PRKCD: variants seen among roughly 807,000 people sequenced by gnomAD.
PRKCD encodes protein kinase C delta type.
PRKCD carries 20 observed loss-of-function variants against 82.2 expected under a neutral mutation model. The ratio of observed to expected loss-of-function variants is 0.24; its 90% confidence interval spans 0.17 to 0.35. The LOEUF is 0.35. PRKCD is among the 10% of genes least tolerant of loss of function. PRKCD has a pLI of 1.00. For missense variants in PRKCD, 607 were observed against 899.0 expected (o/e 0.68, Z 4.15); for synonymous variants, 317 against 337.0 (o/e 0.94, Z 0.65).
intron 2 of PRKCD, among the ~76,000 whole-genome samples, chr3:53,176,667 C>T (rs1553665965): frequency 6.6e-6 from 1 of 152,224 alleles, no homozygotes; most frequent in Non-Finnish European, 1.5e-5. Flanking sequence ...ACCTGTGTGT[C>T]CTTCACAAGT....
chr3:53,177,093 G>A (rs1206283013), intron 2 of PRKCD, among the ~76,000 whole-genome samples: 4 of 152,142 alleles, frequency 2.6e-5, no homozygotes, highest in Non-Finnish European at 5.9e-5. Flanking sequence ...GCCTCCCAAA[G>A]TGCTGAGATT....
intron 9 of PRKCD, 110 bp from the exon 10 acceptor site, chr3:53,184,764 C>A: frequency 1.3e-6 from 1 of 794,832 alleles, no homozygotes; most frequent in South Asian, 1.5e-5. Flanking sequence ...TGGAACCCAG[C>A]AGACCCCACT....
At chr3:53,188,187 C>CAAA (rs557772373) in intron 15 of PRKCD, among the ~76,000 whole-genome samples, 5 of 45,588 alleles carry the variant, frequency 1.1e-4, no homozygotes, top group African/African-American at 3.7e-4. Flanking sequence ...GACTGTGTCT[C>CAAA]AAAAAAAAAA....
At chr3:53,162,086 C>T (rs1553663099) in intron 1 of PRKCD, among the ~76,000 whole-genome samples, 3 of 151,964 alleles carry the variant, frequency 2.0e-5, no homozygotes, top group Non-Finnish European at 1.5e-5. Flanking sequence ...AAGAGTCTTT[C>T]TCGGTCCCTT....
chr3:53,186,081 C>T lies in PRKCD; in HGVS notation c.1086+54C>T. ...CCCACCCCACCCTGGCTTCTTCCCG[C>T]TTAGGTGGCTGAGGTGGGAGTCTGT... On this transcript the variant is annotated intron_variant, in intron 12 of 18. Coordinates refer to ENST00000330452, the MANE Select transcript of PRKCD (RefSeq NM_006254.4). 4.3e-6 allele frequency: 7 copies of T among 1,610,526 alleles called. No homozygotes were observed. In the South Asian group the frequency reaches 6.6e-5, roughly 15 times the overall value.
At chr3:53,165,722 C>T (rs1014198474) in intron 2 of PRKCD, among the ~76,000 whole-genome samples, 4 of 152,228 alleles carry the variant, frequency 2.6e-5, no homozygotes, top group African/African-American at 4.8e-5. Context: ...CCAGGCCCCT[C>T]CATTTTCCCC....
Position 53,183,136 on chromosome 3 carries a change from T to C in PRKCD, c.587T>C (p.Ile196Thr). 1 of 1,614,132 alleles carries C rather than the reference T, an allele frequency of 6.2e-7. No individual in the cohort carries two copies. Among genetic ancestry groups the C allele is most frequent in the Non-Finnish European group, 8.5e-7 (1 of 1,180,008 alleles). ...GYKCRQCNAA[I>T]HKKCIDKIIG... ...CCTCTTCAAGAATGTAACGCTGCCA[T>C]CCACAAGAAATGCATCGACAAGATC... Residue 196 changes from isoleucine (I) to threonine (T), a missense_variant, in exon 8 of 19, where the codon ATC becomes ACC. This residue lies in a region of PRKCD where 109 missense variants were observed against 155.6 expected (regional missense o/e 0.70). Coordinates refer to ENST00000330452, the MANE Select transcript of PRKCD (RefSeq NM_006254.4).
chr3:53,186,241 C>G lies in PRKCD; in HGVS notation c.1161C>G (p.Ile387Met), dbSNP rs782384878. 1.2e-6 allele frequency: 2 copies of G among 1,614,124 alleles called. No individual in the cohort carries two copies. Among genetic ancestry groups the G allele is most frequent in the African/African-American group, 1.3e-5 (1 of 75,030 alleles). Residue 387 changes from isoleucine to methionine, a missense_variant, in exon 13 of 19, where the codon ATC (isoleucine) becomes ATG (methionine). Around this residue, in one of 5 missense-constraint regions of PRKCD, gnomAD observed 251 missense variants for 423.9 expected, o/e 0.59. Coordinates refer to ENST00000330452, the MANE Select transcript of PRKCD (RefSeq NM_006254.4). ...CCCTCAAGAAGGATGTGGTCCTGAT[C>G]GACGACGACGTGGAGTGCACCATGG... ...IKALKKDVVL[I>M]DDDVECTMVE...
rs781971358 is a variant in PRKCD, at chr3:53,183,217, G to C, written c.657+11G>C. The C allele has an allele frequency of 2.4e-5, 38 of 1,613,496 alleles. No individual in the cohort carries two copies. The highest frequency in any genetic ancestry group is 3.4e-6 in the Non-Finnish European group (4 of 1,179,684). Reference sequence around the variant, plus strand: ...AGCCGGGACACTATAGTGAGCCTGGGTCCGGGGCAGGGCTGGGGATCTGGG... The same window carrying C: ...AGCCGGGACACTATAGTGAGCCTGGCTCCGGGGCAGGGCTGGGGATCTGGG... On this transcript the variant is annotated intron_variant, in intron 8 of 18. Transcript: ENST00000330452.
chr3:53,163,006 G>C (rs1333939286), intron 1 of PRKCD, among the ~76,000 whole-genome samples: 1 of 152,020 alleles, frequency 6.6e-6, no homozygotes, highest in African/African-American at 2.4e-5. Context: ...CGTTCCTGCT[G>C]TGGAGTGAGC....
At chr3:53,167,099 G>A (rs1470929661) in intron 2 of PRKCD, among the ~76,000 whole-genome samples, 7 of 152,214 alleles carry the variant, frequency 4.6e-5, no homozygotes, top group African/African-American at 1.7e-4. Flanking sequence ...CCAAAGCCTG[G>A]GCCTAGGAGA....
chr3:53,182,992 T>C, intron 7 of PRKCD, 129 bp from the exon 8 acceptor site: 1 of 852,946 alleles, frequency 1.2e-6, no homozygotes, highest in Admixed American at 2.1e-5. Context: ...CTCTGCGGGG[T>C]GAGGGTGTGG....
At chr3:53,175,534 C>T (rs1553665730) in intron 2 of PRKCD, among the ~76,000 whole-genome samples, 1 of 152,156 alleles carries the variant, frequency 6.6e-6, no homozygotes, top group African/African-American at 2.4e-5. Context: ...ACAGCCAAGG[C>T]AACGTTGGTG....
rs184338209 is a variant in PRKCD, at chr3:53,180,248, C to T, written c.315+472C>T. On this transcript the variant is annotated intron_variant, in intron 4 of 18. Transcript: ENST00000330452. ...CTGCCCCAACACCAGGCCACCAGGCCTCCTTCCCAGAGGCACCCATTATCC... is the reference window on the plus strand; with the variant it reads ...CTGCCCCAACACCAGGCCACCAGGCTTCCTTCCCAGAGGCACCCATTATCC... Among the ~76,000 whole-genome samples, 18 of 152,370 alleles carry T rather than the reference C, an allele frequency of 1.2e-4. No individual in the cohort carries two copies. In the East Asian group the frequency reaches 3.5e-3, roughly 29 times the overall value.
In PRKCD at chr3:53,190,109, C is replaced by A. The variant is rs1222160666; in HGVS notation, c.1872+108C>A. 10 of 1,478,788 alleles carry A rather than the reference C, an allele frequency of 6.8e-6. No homozygotes were observed. The African/African-American group carries it at 1.4e-4, about 20-fold the overall frequency. 91.6% of individuals were successfully genotyped at this position (1,478,788 alleles called of 1,614,324 possible). On this transcript the variant is annotated intron_variant, in intron 18 of 18. Coordinates refer to ENST00000330452, the MANE Select transcript of PRKCD (RefSeq NM_006254.4). Reference sequence around the variant, plus strand: ...TCCACCTCTCCCTTCTTCCAGCAATCTCCATAGCATGTTCAGTCACAGCCG... The same window carrying A: ...TCCACCTCTCCCTTCTTCCAGCAATATCCATAGCATGTTCAGTCACAGCCG...
At position 53,161,254 on chromosome 3, in the gene PRKCD, C is replaced by T. The variant is rs1369876596; in HGVS notation, c.-306C>T. 1.3e-5 allele frequency: 2 copies of T among 149,632 alleles called. No individual in the cohort carries two copies. The highest frequency in any genetic ancestry group is 4.9e-5 in the African/African-American group (2 of 41,114). 9.3% of individuals were successfully genotyped at this position (149,632 alleles called of 1,614,324 possible). On this transcript the variant is annotated 5_prime_UTR_variant, in exon 1 of 19. Coordinates refer to ENST00000330452, the MANE Select transcript of PRKCD (RefSeq NM_006254.4). ...GCCGGAGCCCGAGGCGGCTGTAGCC[C>T]ACATCTCCCGAGCGACCCCCGGCGC...
chr3:53,190,485 G>A (rs1353741636), intron 18 of PRKCD, among the ~76,000 whole-genome samples: 1 of 152,170 alleles, frequency 6.6e-6, no homozygotes, highest in Admixed American at 6.5e-5. Flanking sequence ...GAGTGGGTCT[G>A]TCAGCAGGAA....
At chr3:53,184,807 C>T in intron 9 of PRKCD, 67 bp from the exon 10 acceptor site, 1 of 1,404,894 alleles carries the variant, frequency 7.1e-7, no homozygotes, top group Non-Finnish European at 1.0e-6. Context: ...TCCTGCGCCT[C>T]TCCTACACTG....
chr3:53,163,855 C>G (rs1702751117), intron 1 of PRKCD, among the ~76,000 whole-genome samples: 1 of 152,176 alleles, frequency 6.6e-6, no homozygotes, highest in South Asian at 2.1e-4. Flanking sequence ...CCTGTTCAGC[C>G]TGCATGACAG....
Sources: allele counts gnomAD v4.1 joint callset (sites outside exome capture counted in the v4.1 genomes callset), GRCh38; gene constraint gnomAD v4.1.1; regional missense constraint gnomAD v4.1.1; transcripts MANE v1.5; gene names NCBI Gene and HGNC (gene_info 2026-07-23, HGNC 2026-07-21).